The following FBRSL1 variants were observed in gnomAD, a reference collection of about 807,000 sequenced individuals.
FBRSL1 encodes the protein fibrosin-1-like protein.
A neutral mutation model predicts 89.6 loss-of-function variants in FBRSL1; 51 were observed. That is an observed-to-expected ratio of 0.57 (90% CI 0.45 to 0.72). The LOEUF (loss-of-function observed/expected upper bound fraction) is 0.72. Ranked by LOEUF, FBRSL1 falls within the 30% of genes least tolerant of loss-of-function variation. The pLI is 0.00. For missense variants in FBRSL1, 1,618 were observed against 1,451.8 expected (o/e 1.11, Z -1.86); for synonymous variants, 779 against 681.1 (o/e 1.14, Z -2.24).
At chr12:132,508,669 G>A (rs1208164271) in intron 2 of FBRSL1, among the ~76,000 whole-genome samples, 1 of 152,248 alleles carries the variant, frequency 6.6e-6, no homozygotes, top group Non-Finnish European at 1.5e-5. Context: ...TGTCCATCAG[G>A]CTCCGCCGAC....
intron 15 of FBRSL1, among the ~76,000 whole-genome samples, chr12:132,580,156 T>G (rs1283696898): frequency 6.6e-6 from 1 of 152,164 alleles, no homozygotes; most frequent in Non-Finnish European, 1.5e-5. Context: ...GGTGCGATCT[T>G]GGCTCACTGC....
chr12:132,511,034 G>A, intron 2 of FBRSL1: 15 of 986,266 alleles, frequency 1.5e-5, no homozygotes, highest in Non-Finnish European at 1.7e-5. Context: ...CCTGCAGAGT[G>A]GCCCAGTGGC....
chr12:132,526,231 G>T (rs2035782079), intron 3 of FBRSL1, among the ~76,000 whole-genome samples: 1 of 152,256 alleles, frequency 6.6e-6, no homozygotes, highest in South Asian at 2.1e-4. Context: ...GCCGAGTCTT[G>T]AGATGGGCAC....
intron 18 of FBRSL1, 37 bp downstream of exon 18, chr12:132,582,303 C>T (rs2138171558): frequency 6.6e-7 from 1 of 1,512,612 alleles, no homozygotes; most frequent in Non-Finnish European, 9.0e-7. Context: ...CCACCACACA[C>T]CCCTACCCCG....
rs752913270 is a variant in FBRSL1, at chr12:132,574,330, G to A, written c.1611G>A (p.Pro537=). 7.8e-6 allele frequency: 12 copies of A among 1,548,198 alleles called. No individual in the cohort carries two copies. The highest frequency in any genetic ancestry group is 2.4e-5 in the East Asian group (1 of 40,862). ...LLQKAPGVSD[P]YRAVVKKPGR... ...TCCTGTCTCCACAGGTGTCTGACCC[G>A]TACCGGGCGGTGGTCAAGGTGAGCA... is the stretch of plus-strand genomic sequence containing the variant. The change falls in exon 13 of 19, where the codon CCG becomes CCA. Residue 537 remains proline, a synonymous_variant. Coordinates refer to ENST00000680143, the MANE Select transcript of FBRSL1 (RefSeq NM_001367871.1).
chr12:132,581,184 C>G, intron 15 of FBRSL1: 1 of 977,602 alleles, frequency 1.0e-6, no homozygotes, highest in Non-Finnish European at 1.2e-6. Context: ...TTGCATCGCA[C>G]TCAGCACCTC....
At chr12:132,534,079 G>C (rs1446710950) in intron 4 of FBRSL1, among the ~76,000 whole-genome samples, 1 of 152,146 alleles carries the variant, frequency 6.6e-6, no homozygotes, top group Non-Finnish European at 1.5e-5. Flanking sequence ...TGACAAAGGG[G>C]CTGACCCACC....
chr12:132,506,131 A>G (rs60666634), intron 1 of FBRSL1, among the ~76,000 whole-genome samples: 197 of 150,336 alleles, frequency 1.3e-3, no homozygotes, highest in African/African-American at 4.5e-3. Context: ...GGGGCAGGAC[A>G]GATGGACATT....
chr12:132,523,662 G>A (rs1203226533), intron 2 of FBRSL1, among the ~76,000 whole-genome samples: 1 of 152,234 alleles, frequency 6.6e-6, no homozygotes, highest in Admixed American at 6.5e-5. Flanking sequence ...TCCCATCGCT[G>A]CCAGGTACTG....
rs1593556923 is a variant in FBRSL1 at position 132,571,804 on chromosome 12, C to G, written c.1378-484C>G. The stretch of plus-strand genomic sequence containing the variant: ...TCACGCCTGCACTAGATCCCCAGTG[C>G]CAGGGCTGGAGGCCCAGACAGGCCT... On this transcript the variant is annotated intron_variant, in intron 9 of 18. Transcript: ENST00000680143. 4 of 328,080 alleles carry G rather than the reference C, an allele frequency of 1.2e-5. No homozygotes were observed. In the East Asian group the frequency reaches 2.2e-4, roughly 18 times the overall value. 20.3% of individuals were successfully genotyped at this position (328,080 alleles called of 1,614,324 possible).
intron 1 of FBRSL1, among the ~76,000 whole-genome samples, chr12:132,506,261 A>T (rs2033672455): frequency 6.6e-6 from 1 of 152,136 alleles, no homozygotes; most frequent in Non-Finnish European, 1.5e-5. Flanking sequence ...AAATCTTTAT[A>T]TTTTTTTGAA....
At chr12:132,551,979 C>A in intron 5 of FBRSL1, 1 of 269,604 alleles carries the variant, frequency 3.7e-6, no homozygotes, top group Non-Finnish European at 7.5e-6. Flanking sequence ...TCAGGAAGCA[C>A]CCCCAGTGCC....
chr12:132,556,412 C>A (rs1053141318), intron 5 of FBRSL1, among the ~76,000 whole-genome samples: 2 of 152,204 alleles, frequency 1.3e-5, no homozygotes, highest in African/African-American at 4.8e-5. Context: ...CCCTACCCCC[C>A]ACGCCACGAC....
chr12:132,551,897 C>G, intron 5 of FBRSL1: 1 of 286,554 alleles, frequency 3.5e-6, no homozygotes, highest in Non-Finnish European at 7.1e-6. Context: ...GTGGTGGCCT[C>G]GCTCCTCCTG....
Position 132,490,524 on chromosome 12 carries a change from G to A in FBRSL1, c.-47G>A, listed in dbSNP as rs1593201372. The A allele has an allele frequency of 6.1e-6, 6 of 977,322 alleles. No homozygotes were observed. Among genetic ancestry groups the A allele is most frequent in the Non-Finnish European group, 7.3e-6 (6 of 825,494 alleles). 60.5% of individuals were successfully genotyped at this position (977,322 alleles called of 1,614,324 possible). A position where few individuals can be genotyped will look rare whatever the true frequency, so the allele number is the denominator to read the frequency against. Reference sequence around the variant, plus strand: ...GAGGGAGCCCGCCTGCTGCGAGCCAGGCGCGGGGCGTCAAGGTCACCGGCC... The same window carrying A: ...GAGGGAGCCCGCCTGCTGCGAGCCAAGCGCGGGGCGTCAAGGTCACCGGCC... On this transcript the variant is annotated 5_prime_UTR_variant, in exon 1 of 19. Coordinates refer to ENST00000680143, the MANE Select transcript of FBRSL1 (RefSeq NM_001367871.1).
At chr12:132,497,161 G>C (rs2032174427) in intron 1 of FBRSL1, among the ~76,000 whole-genome samples, 1 of 152,230 alleles carries the variant, frequency 6.6e-6, no homozygotes, top group Non-Finnish European at 1.5e-5. Context: ...AATGGCATAA[G>C]AATTTATCAC....
At chr12:132,491,006 TC>T in intron 1 of FBRSL1, 145 bp downstream of exon 1, 2 of 592,288 alleles carry the variant, frequency 3.4e-6, no homozygotes, top group Non-Finnish European at 4.5e-6. Context: ...TGGTACCCGT[TC>T]CAGGGACCCT....
At chr12:132,570,630 C>T (rs2039946703) in intron 8 of FBRSL1, 90 bp downstream of exon 8, 3 of 1,167,894 alleles carry the variant, frequency 2.6e-6, no homozygotes, top group African/African-American at 3.2e-5. Context: ...CCTGGCCCTC[C>T]ACCTGCTGTG....
intron 2 of FBRSL1, among the ~76,000 whole-genome samples, chr12:132,515,899 C>CAA (rs60767937): frequency 0.26 from 16,816 of 64,884 alleles, 1,902 homozygotes; most frequent in East Asian, 0.3. Context: ...GACTCCGTCT[C>CAA]AAAAAAAAAA....
Sources: gnomAD v4.1 joint callset for allele counts (sites outside exome capture counted in the v4.1 genomes callset) on GRCh38, gnomAD v4.1.1 for gene constraint, MANE v1.5 for transcripts, NCBI Gene and HGNC (gene_info 2026-07-23, HGNC 2026-07-21) for gene names.